Variants in NT5DC3 observed in about 807,000 individuals in gnomAD.
The protein encoded by NT5DC3 is 5'-nucleotidase domain-containing protein 3.
In NT5DC3, 42 loss-of-function variants were observed where a neutral mutation model predicts 67.8. The observed-to-expected ratio is 0.62, with a 90% CI of 0.48 to 0.80. The LOEUF is 0.80. Among genes scored for constraint, NT5DC3 ranks in the 30% least tolerant of loss-of-function variants. The probability of loss-of-function intolerance (pLI) is 0.00; values close to 1 mark genes in which losing one functional copy is unlikely to be tolerated. For missense variants in NT5DC3, 570 were observed against 696.4 expected, an observed-to-expected ratio of 0.82 and a Z score of 2.04; for synonymous variants, 237 against 255.6, an observed-to-expected ratio of 0.93 and a Z score of 0.69.
At chr12:103,749,067 G>C in the NT5DC3 span, 1 of 1,614,156 alleles carries the variant, frequency 6.2e-7, no homozygotes, top group Non-Finnish European at 8.5e-7. Context: ...ATACAAAGGG[G>C]ACGGGCACAG....
intron 13 of NT5DC3, among the ~76,000 whole-genome samples, 173 bp downstream of exon 13, chr12:103,780,127 A>G (rs1593380572): frequency 6.6e-6 from 1 of 152,196 alleles, no homozygotes; most frequent in Non-Finnish European, 1.5e-5. Flanking sequence ...AATTTGTCAC[A>G]TGTTACCAAC....
intron 1 of NT5DC3, among the ~76,000 whole-genome samples, chr12:103,820,409 C>G (rs530030108): frequency 6.6e-6 from 1 of 152,292 alleles, no homozygotes; most frequent in African/African-American, 2.4e-5. Flanking sequence ...TTTATCATTA[C>G]TGTTGACAGA....
chr12:103,750,721 G>T, the NT5DC3 span: 9 of 1,612,082 alleles, frequency 5.6e-6, no homozygotes, highest in Non-Finnish European at 6.8e-6. Flanking sequence ...CACTTCCAGG[G>T]TTAGTGTGAC....
At position 103,823,115 on chromosome 12, in the gene NT5DC3, A is replaced by G. The variant is rs370772612; in HGVS notation, c.209-7994T>C. 8.2e-4 allele frequency among the ~76,000 whole-genome samples: 125 copies of G among 152,044 alleles called. 1 individual carries two copies. In the East Asian group the frequency reaches 9.7e-3, roughly 12 times the overall value. On this transcript the variant is annotated intron_variant, in intron 1 of 13. Transcript: ENST00000392876. ...TAGTTATGATTTTTATTTTTGGTATATGTCCTAGATTTCAAGCTGTTTTTC... is the reference window on the plus strand; with the variant it reads ...TAGTTATGATTTTTATTTTTGGTATGTGTCCTAGATTTCAAGCTGTTTTTC...
At chr12:103,839,099 G>C (rs1028208135) in intron 1 of NT5DC3, among the ~76,000 whole-genome samples, 1 of 152,220 alleles carries the variant, frequency 6.6e-6, no homozygotes, top group African/African-American at 2.4e-5. Flanking sequence ...GTGCTCTCAT[G>C]CATGTGCACA....
chr12:103,782,129 G>A (rs1052386902), intron 12 of NT5DC3, among the ~76,000 whole-genome samples: 2 of 152,210 alleles, frequency 1.3e-5, no homozygotes, highest in Non-Finnish European at 2.9e-5. Flanking sequence ...CAGCATTTTG[G>A]GAGGCCAAGG....
the NT5DC3 span, chr12:103,749,146 T>C: frequency 6.2e-7 from 1 of 1,601,626 alleles, no homozygotes; most frequent in Non-Finnish European, 8.5e-7. Flanking sequence ...ACCTGTAAGA[T>C]GACAGGCCCG....
the NT5DC3 span, among the ~76,000 whole-genome samples, chr12:103,748,112 A>G: frequency 1.3e-5 from 2 of 152,222 alleles, no homozygotes; most frequent in Non-Finnish European, 2.9e-5. Context: ...AAATATTCAC[A>G]GAGATATATA....
intron 11 of NT5DC3, chr12:103,785,803 C>T (rs1193555196): frequency 2.5e-5 from 12 of 471,534 alleles, no homozygotes; most frequent in Non-Finnish European, 4.4e-5. Flanking sequence ...CAGAAAGGGG[C>T]TTGACCTAAA....
intron 1 of NT5DC3, among the ~76,000 whole-genome samples, chr12:103,840,039 G>A (rs1489565587): frequency 1.3e-5 from 2 of 152,132 alleles, no homozygotes; most frequent in Admixed American, 6.5e-5. Context: ...AATGGTCAAC[G>A]GAGCACAGGA....
chr12:103,791,882 C>A (rs1257986470), intron 9 of NT5DC3, among the ~76,000 whole-genome samples: 3 of 152,184 alleles, frequency 2.0e-5, no homozygotes, highest in Non-Finnish European at 4.4e-5. Flanking sequence ...TCAGGTAGAA[C>A]AGTTTCATCC....
rs1400080274 is a variant in NT5DC3, at chr12:103,774,884, C to G, written c.*2945G>C. 2.0e-5 allele frequency: 3 copies of G among 151,600 alleles called. No individual in the cohort carries two copies. The highest frequency in any genetic ancestry group is 2.9e-5 in the Non-Finnish European group (2 of 68,026). The allele number at this position is 151,600 out of a possible 1,614,324, so 9.4% of individuals were successfully genotyped here. ...ACTTGGCCAGGCCTGGTGGCATGTA[C>G]CAGTAGTCCCAGCTACTCGGGAGGC... is the stretch of plus-strand genomic sequence containing the variant. On this transcript the variant is annotated 3_prime_UTR_variant, in exon 14 of 14. Transcript: ENST00000392876.
chr12:103,814,692 T>C (rs1315984744), intron 2 of NT5DC3, among the ~76,000 whole-genome samples: 2 of 152,236 alleles, frequency 1.3e-5, no homozygotes, highest in Admixed American at 1.3e-4. Flanking sequence ...TGTAAATATC[T>C]ACAGCCAAAT....
At chr12:103,840,432 T>C (rs937037232) in intron 1 of NT5DC3, among the ~76,000 whole-genome samples, 29 of 150,032 alleles carry the variant, frequency 1.9e-4, no homozygotes, top group African/African-American at 7.0e-4. Flanking sequence ...TTCCATCCCA[T>C]TCCATCCCAT....
At chr12:103,839,458 C>T (rs1888288014) in intron 1 of NT5DC3, among the ~76,000 whole-genome samples, 2 of 152,192 alleles carry the variant, frequency 1.3e-5, no homozygotes, top group African/African-American at 4.8e-5. Context: ...CTTTGTTGCC[C>T]AGGCTGGTCC....
chr12:103,780,374 A>G lies in NT5DC3; in HGVS notation c.1330-10T>C. 2 of 1,613,096 alleles carry G rather than the reference A, an allele frequency of 1.2e-6. No homozygotes were observed. The highest frequency in any genetic ancestry group is 8.5e-7 in the Non-Finnish European group (1 of 1,179,054). ...CAGCATCTCTGTGAACCTGTAGGAC[A>G]CAAGTCAATTATTACAACTGTTTTG... On this transcript the variant is annotated splice_polypyrimidine_tract_variant and intron_variant, in intron 12 of 13. Transcript: ENST00000392876.
chr12:103,763,654 GGGA>G, the NT5DC3 span: 5 of 1,509,154 alleles, frequency 3.3e-6, no homozygotes, highest in Non-Finnish European at 3.7e-6. Flanking sequence ...TGGGGTACAG[GGGA>G]ATGATGTCTT....
chr12:103,765,716 A>AT (rs1225483873), downstream of NT5DC3, among the ~76,000 whole-genome samples: 1 of 151,626 alleles, frequency 6.6e-6, no homozygotes, highest in African/African-American at 2.4e-5. Flanking sequence ...TAATTTTTGT[A>AT]TTTTTTGTAG....
At chr12:103,797,470 TAAAA>T (rs59046659) in intron 5 of NT5DC3, among the ~76,000 whole-genome samples, 5 of 138,274 alleles carry the variant, frequency 3.6e-5, no homozygotes, top group Admixed American at 7.2e-5. Flanking sequence ...AACTCTGCCT[TAAAA>T]AAAAAAAAAA....
Sources: gnomAD v4.1 joint callset for allele counts (sites outside exome capture counted in the v4.1 genomes callset) on GRCh38, gnomAD v4.1.1 for gene constraint, MANE v1.5 for transcripts, NCBI Gene and HGNC (gene_info 2026-07-23, HGNC 2026-07-21) for gene names.